Variants in COPS8 observed in about 807,000 individuals in gnomAD.
COPS8 encodes COP9 signalosome complex subunit 8.
Under a neutral mutation model 31.5 loss-of-function variants are expected in COPS8, and 11 were observed. That is an observed-to-expected ratio of 0.35 (90% CI 0.22 to 0.58). COPS8 has a LOEUF of 0.58. Among genes scored for constraint, COPS8 ranks in the 20% least tolerant of loss-of-function variants. The pLI is 0.83. For synonymous variants in COPS8, 81 were observed against 89.3 expected, an observed-to-expected ratio of 0.91 and a Z score of 0.52; for missense variants, 215 against 255.1, an observed-to-expected ratio of 0.84 and a Z score of 1.07.
intron 2 of COPS8, chr2:237,087,478 T>C (rs1171387599): frequency 2.3e-6 from 1 of 435,908 alleles, no homozygotes; most frequent in East Asian, 5.5e-5. Flanking sequence ...TTTTATGACC[T>C]CTATTTACTT....
chr2:237,086,138 C>A, intron 1 of COPS8, 96 bp downstream of exon 1: 1 of 1,179,378 alleles, frequency 8.5e-7, no homozygotes, highest in Non-Finnish European at 1.2e-6. Context: ...GGCTAGCGGG[C>A]TTTGGGAGCT....
chr2:237,085,915 G>A lies in COPS8; in HGVS notation c.-50G>A. The A allele has an allele frequency of 6.3e-7, 1 of 1,575,666 alleles. No individual in the cohort carries two copies. The highest frequency in any genetic ancestry group is 8.7e-7 in the Non-Finnish European group (1 of 1,152,816). ...TCGCGGGCGCGACGCCTGAGGGACA[G>A]TCTGGGGTTTGGCTGTCCGGACGGT... On this transcript the variant is annotated 5_prime_UTR_variant, in exon 1 of 8. Coordinates refer to ENST00000354371, the MANE Select transcript of COPS8 (RefSeq NM_006710.5).
rs771279491 is a variant in COPS8, at chr2:237,094,171, G to C, written c.413G>C (p.Gly138Ala). 7 of 1,613,778 alleles carry C rather than the reference G, an allele frequency of 4.3e-6. No homozygotes were observed. In the African/African-American group the frequency reaches 6.7e-5, roughly 15 times the overall value. Residue 138 changes from glycine (G) to alanine (A), a missense_variant, in exon 5 of 8, where the codon GGA becomes GCA. Transcript: ENST00000354371. ...GCCGATGATTTTGCAGCCTTTGTTG[G>C]ACTTCCTGTAGAAGAGGCTGTGAAA... Reference protein sequence around the residue: ...IIADDFAAFVGLPVEEAVKGI... With the variant: ...IIADDFAAFVALPVEEAVKGI...
At chr2:237,096,671 T>C in intron 6 of COPS8, 151 bp from the exon 7 acceptor site, 5 of 677,566 alleles carry the variant, frequency 7.4e-6, no homozygotes, top group South Asian at 6.6e-5. Flanking sequence ...AAGAGTAATA[T>C]AATAAAGAAT....
At chr2:237,090,059 G>A in intron 4 of COPS8, 65 bp downstream of exon 4, 3 of 1,524,424 alleles carry the variant, frequency 2.0e-6, no homozygotes, top group Non-Finnish European at 2.7e-6. Flanking sequence ...CTGCAGTGTT[G>A]AAGTAATAAA....
At chr2:237,095,527 T>G (rs1007751423) in intron 5 of COPS8, among the ~76,000 whole-genome samples, 4 of 152,216 alleles carry the variant, frequency 2.6e-5, no homozygotes, top group African/African-American at 9.7e-5. Context: ...TCCTTCTGTT[T>G]GTTTTAAATA....
At chr2:237,091,285 TCC>T (rs1186639690) in intron 4 of COPS8, among the ~76,000 whole-genome samples, 3 of 152,196 alleles carry the variant, frequency 2.0e-5, no homozygotes, top group African/African-American at 7.2e-5. Flanking sequence ...GGTCCTTGCT[TCC>T]GGAGTTCAAA....
rs1461737745 is a variant in COPS8 at position 237,095,914 on chromosome 2, C to G, written c.502+30C>G. ...GTGGAGCTTTCACCCATTTACGCAGCACTGGACTCTTCTAAGACTGCTTCA... is the reference window on the plus strand; with the variant it reads ...GTGGAGCTTTCACCCATTTACGCAGGACTGGACTCTTCTAAGACTGCTTCA... On this transcript the variant is annotated intron_variant, in intron 6 of 7. Coordinates refer to ENST00000354371, the MANE Select transcript of COPS8 (RefSeq NM_006710.5). 8.7e-6 allele frequency: 13 copies of G among 1,497,740 alleles called. No individual in the cohort carries two copies. The South Asian group carries it at 1.5e-4, about 17-fold the overall frequency. 92.8% of individuals were successfully genotyped at this position (1,497,740 alleles called of 1,614,324 possible). A position where few individuals can be genotyped will look rare whatever the true frequency, so the allele number is the denominator to read the frequency against.
intron 4 of COPS8, among the ~76,000 whole-genome samples, chr2:237,092,068 G>A (rs997495394): frequency 2.0e-5 from 3 of 152,236 alleles, no homozygotes; most frequent in African/African-American, 7.2e-5. Flanking sequence ...TGATGGATGA[G>A]CAGCACTTGA....
At chr2:237,093,078 C>T (rs961669622) in intron 4 of COPS8, among the ~76,000 whole-genome samples, 11 of 152,018 alleles carry the variant, frequency 7.2e-5, no homozygotes, top group African/African-American at 2.2e-4. Context: ...GGGCAGAGAT[C>T]GTAATGAATT....
chr2:237,097,516 A>G lies in COPS8; in HGVS notation c.551-147A>G. 8.1e-6 allele frequency: 5 copies of G among 616,650 alleles called. No individual in the cohort carries two copies. The South Asian group carries it at 1.1e-4, about 13-fold the overall frequency. The allele number at this position is 616,650 out of a possible 1,614,324, so 38.2% of individuals were successfully genotyped here. On this transcript the variant is annotated intron_variant, in intron 7 of 7. Transcript: ENST00000354371. ...TTTCAAAAATGTCCAAGCCTCTATG[A>G]TGTAAGATTTTGTCTAAAACCAGGA... is the stretch of plus-strand genomic sequence containing the variant.
At chr2:237,087,044 A>G (rs532153194) in intron 1 of COPS8, 83 bp from the exon 2 acceptor site, 22 of 839,984 alleles carry the variant, frequency 2.6e-5, no homozygotes, top group East Asian at 2.4e-4. Context: ...ATAAAATATT[A>G]TTTTAAAAAT....
rs1277877510 is a variant in COPS8, at chr2:237,097,255, C to T, written c.550+386C>T. Among the ~76,000 whole-genome samples the T allele has an allele frequency of 6.6e-5, 7 of 106,660 alleles. No individual in the cohort carries two copies. The East Asian group carries it at 1.7e-3, about 26-fold the overall frequency. 70.0% of individuals were successfully genotyped at this position (106,660 alleles called of 152,430 possible). On this transcript the variant is annotated intron_variant, in intron 7 of 7. Coordinates refer to ENST00000354371, the MANE Select transcript of COPS8 (RefSeq NM_006710.5). ...TTTTTTTTTTTTTTTGGTTTGTTGA[C>T]AATTTAATATTCTTCAGTGATGTCT...
At chr2:237,088,744 G>A (rs570579005) in intron 3 of COPS8, 91 bp downstream of exon 3, 11 of 768,476 alleles carry the variant, frequency 1.4e-5, no homozygotes, top group East Asian at 2.6e-5. Context: ...TCTATCTGAC[G>A]TCCTAGTAAT....
chr2:237,085,907 G>C lies in COPS8; in HGVS notation c.-58G>C. On this transcript the variant is annotated 5_prime_UTR_variant, in exon 1 of 8. Transcript: ENST00000354371. Reference sequence around the variant, plus strand: ...AAACGTCATCGCGGGCGCGACGCCTGAGGGACAGTCTGGGGTTTGGCTGTC... The same window carrying C: ...AAACGTCATCGCGGGCGCGACGCCTCAGGGACAGTCTGGGGTTTGGCTGTC... 1 of 1,543,878 alleles carries C rather than the reference G, an allele frequency of 6.5e-7. No homozygotes were observed. Among genetic ancestry groups the C allele is most frequent in the Non-Finnish European group, 8.9e-7 (1 of 1,127,494 alleles).
At chr2:237,089,390 G>A (rs1201521023) in intron 3 of COPS8, among the ~76,000 whole-genome samples, 2 of 151,996 alleles carry the variant, frequency 1.3e-5, no homozygotes, top group African/African-American at 4.8e-5. Flanking sequence ...ATGCACATAA[G>A]TTTCAATGGC....
intron 7 of COPS8, 98 bp downstream of exon 7, chr2:237,096,967 T>G: frequency 4.8e-6 from 4 of 830,288 alleles, no homozygotes; most frequent in Non-Finnish European, 5.9e-6. Context: ...GTGTATCTAT[T>G]TCTTACCTTG....
intron 4 of COPS8, among the ~76,000 whole-genome samples, chr2:237,092,090 A>G (rs547781576): frequency 5.9e-5 from 9 of 152,222 alleles, no homozygotes; most frequent in Non-Finnish European, 1.3e-4. Flanking sequence ...TATTTGTTGA[A>G]CAACTGAGTT....
chr2:237,086,363 A>C (rs1346318085), intron 1 of COPS8, among the ~76,000 whole-genome samples: 1 of 152,130 alleles, frequency 6.6e-6, no homozygotes, highest in East Asian at 1.9e-4. Flanking sequence ...AGAGGGTAGT[A>C]AAGTGGGTTT....
Sources: allele counts gnomAD v4.1 joint callset (sites outside exome capture counted in the v4.1 genomes callset), GRCh38; gene constraint gnomAD v4.1.1; transcripts MANE v1.5; gene names NCBI Gene and HGNC (gene_info 2026-07-23, HGNC 2026-07-21).